Variants in CDH13 observed in about 807,000 individuals in gnomAD.
The protein encoded by CDH13 is cadherin-13.
Under a neutral mutation model 63.8 loss-of-function variants are expected in CDH13, and 24 were observed. That is an observed-to-expected ratio of 0.38 (90% confidence interval 0.27 to 0.53). The LOEUF (loss-of-function observed/expected upper bound fraction) is 0.53, where lower values mean the gene tolerates loss of function less well. CDH13 is among the 20% of genes least tolerant of loss of function. The pLI, the probability that CDH13 is intolerant of heterozygous loss-of-function variation, is 0.85. For synonymous variants in CDH13, 503 were observed against 355.3 expected (o/e 1.42, Z -4.67); for missense variants, 1,049 against 903.1 (o/e 1.16, Z -2.07).
intron 2 of CDH13, among the ~76,000 whole-genome samples, chr16:82,994,418 A>G (rs1240510216): frequency 1.3e-5 from 2 of 152,254 alleles, no homozygotes; most frequent in South Asian, 2.1e-4. Context: ...AGGGAGGGGC[A>G]GGGATTTCCC....
intron 7 of CDH13, among the ~76,000 whole-genome samples, chr16:83,583,102 C>T (rs1238101986): frequency 6.6e-6 from 1 of 152,176 alleles, no homozygotes; most frequent in African/African-American, 2.4e-5. Context: ...GGCCCCAGTT[C>T]CTTAGTTTCC....
intron 1 of CDH13, among the ~76,000 whole-genome samples, chr16:82,834,048 C>T (rs141341716): frequency 6.6e-6 from 1 of 152,166 alleles, no homozygotes; most frequent in Non-Finnish European, 1.5e-5. Flanking sequence ...TTTCTCAATT[C>T]AGCGCTAGCC....
chr16:83,575,973 A>G (rs1343343143), intron 7 of CDH13, among the ~76,000 whole-genome samples: 1 of 152,236 alleles, frequency 6.6e-6, no homozygotes, highest in African/African-American at 2.4e-5. Context: ...AAAGTGAACA[A>G]TTCAGTGGCG....
intron 3 of CDH13, among the ~76,000 whole-genome samples, chr16:83,089,405 C>T (rs995997362): frequency 2.6e-5 from 4 of 152,226 alleles, no homozygotes; most frequent in Admixed American, 1.3e-4. Context: ...TCCATTAGGG[C>T]ACAATAGTGA....
At position 83,173,381 on chromosome 16, in the gene CDH13, A is replaced by G. The variant is rs532718435; in HGVS notation, c.484-43964A>G. Among the ~76,000 whole-genome samples the G allele has an allele frequency of 1.2e-4, 18 of 152,234 alleles. No homozygotes were observed. The East Asian group carries it at 3.3e-3, about 28-fold the overall frequency. On this transcript the variant is annotated intron_variant, in intron 4 of 13. Transcript: ENST00000567109. ...ACTTGTCAGAGCTTTTAAATATGCT[A>G]TTATCTTAGGGAATCTCTGAGAGTG... is the stretch of plus-strand genomic sequence containing the variant.
intron 2 of CDH13, among the ~76,000 whole-genome samples, chr16:82,878,420 G>C (rs540039530): frequency 3.4e-4 from 51 of 151,450 alleles, no homozygotes; most frequent in African/African-American, 1.2e-3. Context: ...AAAAAGAGGA[G>C]ACGTCAACTG....
intron 5 of CDH13, among the ~76,000 whole-genome samples, chr16:83,276,125 C>G (rs74031937): frequency 1.3e-5 from 2 of 152,142 alleles, no homozygotes; most frequent in African/African-American, 4.8e-5. Context: ...AGTTCAAACT[C>G]GCCCCACACT....
chr16:82,984,798 A>T (rs1404006893), intron 2 of CDH13, among the ~76,000 whole-genome samples: 1 of 152,182 alleles, frequency 6.6e-6, no homozygotes, highest in African/African-American at 2.4e-5. Context: ...TTATACACAC[A>T]TACTATGCTA....
chr16:82,647,041 C>T (rs1910176786), intron 1 of CDH13, among the ~76,000 whole-genome samples: 1 of 152,080 alleles, frequency 6.6e-6, no homozygotes. Context: ...CGCAGTACAC[C>T]ATGACAGTTA....
rs753617928 is a variant in CDH13, at chr16:83,612,689, C to T, written c.1101+10095C>T. On this transcript the variant is annotated intron_variant, in intron 8 of 13. Coordinates refer to ENST00000567109, the MANE Select transcript of CDH13 (RefSeq NM_001257.5). The stretch of plus-strand genomic sequence containing the variant: ...ATTAGTTATACTTCATTTTCATATT[C>T]TTGTAGTGGGTTCTGAGAAATTGCA... Among the ~76,000 whole-genome samples, 107 of 151,680 alleles carry T rather than the reference C, an allele frequency of 7.1e-4. 1 individual carries two copies. Among genetic ancestry groups the T allele is most frequent in the Admixed American group, 1.2e-3 (19 of 15,238 alleles).
chr16:83,305,582 A>G (rs1000620027), intron 5 of CDH13, among the ~76,000 whole-genome samples: 5 of 152,202 alleles, frequency 3.3e-5, no homozygotes, highest in Admixed American at 6.5e-5. Flanking sequence ...CCAAGTTGGC[A>G]TCCCAGTTCT....
At chr16:83,015,751 G>A (rs1284473748) in intron 2 of CDH13, among the ~76,000 whole-genome samples, 1 of 122,710 alleles carries the variant, frequency 8.1e-6, no homozygotes, top group Non-Finnish European at 1.6e-5. Context: ...ATAAATCTCA[G>A]GAACCTTAGA....
intron 8 of CDH13, among the ~76,000 whole-genome samples, chr16:83,651,588 CTTTTTTTTTTTT>C (rs35237670): frequency 1.3e-5 from 1 of 75,306 alleles, no homozygotes; most frequent in Non-Finnish European, 2.4e-5. Context: ...TTATTTTCCT[CTTTTTTTTTTTT>C]TTTTTTTTTT....
At chr16:82,727,571 G>C (rs898166831) in intron 1 of CDH13, 8 of 152,268 alleles carry the variant, frequency 5.3e-5, no homozygotes, top group African/African-American at 1.9e-4. Flanking sequence ...GAGATTTAAA[G>C]GGTAAGAGCT....
At chr16:83,056,378 A>C (rs2030937597) in intron 3 of CDH13, among the ~76,000 whole-genome samples, 1 of 152,188 alleles carries the variant, frequency 6.6e-6, no homozygotes, top group African/African-American at 2.4e-5. Flanking sequence ...TGTAATAGCT[A>C]AAAACTGGAA....
chr16:83,646,710 A>AAAAAAAACAC (rs1567478069), intron 8 of CDH13, among the ~76,000 whole-genome samples: 1 of 76,716 alleles, frequency 1.3e-5, no homozygotes, highest in Non-Finnish European at 3.2e-5. Flanking sequence ...AAAAAAAAAA[A>AAAAAAAACAC]AAACACACAC....
chr16:82,700,979 C>T (rs1390564895), intron 1 of CDH13, among the ~76,000 whole-genome samples: 2 of 85,390 alleles, frequency 2.3e-5, no homozygotes, highest in African/African-American at 4.5e-5. Context: ...CCCCCCGCCC[C>T]GGGCATCTCC....
At chr16:83,334,330 C>G (rs920219551) in intron 5 of CDH13, among the ~76,000 whole-genome samples, 1 of 139,674 alleles carries the variant, frequency 7.2e-6, no homozygotes, top group Admixed American at 7.3e-5. Context: ...ATCTCCCTCT[C>G]TCCCTTTCTC....
intron 2 of CDH13, chr16:82,884,240 G>C (rs980385193): frequency 8.8e-6 from 4 of 455,008 alleles, no homozygotes; most frequent in Non-Finnish European, 1.3e-5. Context: ...AAAAGCCTGG[G>C]CTCCCATGAG....
Sources: gnomAD v4.1 joint callset for allele counts (sites outside exome capture counted in the v4.1 genomes callset) on GRCh38, gnomAD v4.1.1 for gene constraint, MANE v1.5 for transcripts, NCBI Gene and HGNC (gene_info 2026-07-23, HGNC 2026-07-21) for gene names.